TMEM71: variants seen among roughly 807,000 people sequenced by gnomAD.
TMEM71 encodes the protein transmembrane protein 71.
A neutral mutation model predicts 38.0 loss-of-function variants in TMEM71; 44 were observed. The observed-to-expected ratio is 1.16, with a 90% CI of 0.91 to 1.49. The LOEUF (loss-of-function observed/expected upper bound fraction) is 1.49, where lower values mean the gene tolerates loss of function less well. Ranked by LOEUF, TMEM71 falls within the 40% of genes most tolerant of loss-of-function variation. The pLI is 0.00. For synonymous variants in TMEM71, 133 were observed against 122.5 expected (o/e 1.09, Z -0.56); for missense variants, 367 against 348.6 (o/e 1.05, Z -0.42).
chr8:132,730,369 C>T (rs1411942306), intron 5 of TMEM71, among the ~76,000 whole-genome samples: 2 of 152,198 alleles, frequency 1.3e-5, no homozygotes, highest in Non-Finnish European at 2.9e-5. Context: ...TGTGGAAACA[C>T]ACTCTCAGCC....
rs183699304 is a variant in TMEM71 at position 132,751,853 on chromosome 8, G to A, written c.246C>T (p.Cys82=). 104 of 1,613,964 alleles carry A rather than the reference G, an allele frequency of 6.4e-5. No homozygotes were observed. Among genetic ancestry groups the A allele is most frequent in the Middle Eastern group, 3.4e-4 (2 of 5,888 alleles). ...YYIWTEDSFL[C]DKDGNITLNP... Reference sequence around the variant, plus strand: ...TCAGAGTTATGTTGCCATCTTTGTCGCACAGGAAGCTGTCTTCAGTCCAAA... The same window carrying A: ...TCAGAGTTATGTTGCCATCTTTGTCACACAGGAAGCTGTCTTCAGTCCAAA... The change falls in exon 4 of 10, where the codon TGC becomes TGT. Residue 82 remains cysteine (C), a synonymous_variant. Coordinates refer to ENST00000677595, the MANE Select transcript of TMEM71 (RefSeq NM_001382403.1).
the TMEM71 span, among the ~76,000 whole-genome samples, chr8:132,770,394 C>T: frequency 6.6e-6 from 1 of 152,202 alleles, no homozygotes; most frequent in Non-Finnish European, 1.5e-5. Flanking sequence ...CCAGTCTTCA[C>T]GCTTACCTGC....
intron 6 of TMEM71, among the ~76,000 whole-genome samples, chr8:132,726,381 T>A (rs1827144044): frequency 6.6e-6 from 1 of 152,192 alleles, no homozygotes; most frequent in South Asian, 2.1e-4. Flanking sequence ...TATTTATGAT[T>A]TTTTGAAAGC....
At chr8:132,769,965 C>A in the TMEM71 span, among the ~76,000 whole-genome samples, 15 of 152,198 alleles carry the variant, frequency 9.9e-5, no homozygotes, top group Non-Finnish European at 2.2e-4. Context: ...CTGTTCTCAA[C>A]GAAAAGAATG....
chr8:132,774,277 C>T, the TMEM71 span, among the ~76,000 whole-genome samples: 171 of 152,336 alleles, frequency 1.1e-3, 3 homozygotes, highest in East Asian at 0.03. Context: ...AGTTGAGATG[C>T]TGGGCAACCA....
downstream of TMEM71, among the ~76,000 whole-genome samples, chr8:132,708,936 AC>A (rs1160819090): frequency 6.6e-6 from 1 of 151,892 alleles, no homozygotes; most frequent in East Asian, 1.9e-4. Flanking sequence ...TTTTGGACTG[AC>A]CCCCAAAACT....
intron 3 of TMEM71, among the ~76,000 whole-genome samples, chr8:132,756,341 T>C (rs969389460): frequency 3.2e-4 from 47 of 148,558 alleles, no homozygotes; most frequent in African/African-American, 1.1e-3. Flanking sequence ...AATTCATCAG[T>C]ATTCAATAGT....
At chr8:132,738,782 C>T (rs1827880153) in intron 5 of TMEM71, among the ~76,000 whole-genome samples, 1 of 152,008 alleles carries the variant, frequency 6.6e-6, no homozygotes, top group Non-Finnish European at 1.5e-5. Context: ...TTTAAGTAAT[C>T]CTTTGATCAT....
At chr8:132,749,640 G>A (rs1462831922) in intron 4 of TMEM71, among the ~76,000 whole-genome samples, 1 of 152,206 alleles carries the variant, frequency 6.6e-6, no homozygotes, top group Admixed American at 6.5e-5. Flanking sequence ...ATGAAAGAAA[G>A]AGGCTGGGTC....
At chr8:132,724,893 C>A (rs1435465925) in intron 6 of TMEM71, among the ~76,000 whole-genome samples, 1 of 152,098 alleles carries the variant, frequency 6.6e-6, no homozygotes, top group African/African-American at 2.4e-5. Context: ...CTTCCAAAAC[C>A]AATAAAACTC....
chr8:132,733,295 A>G (rs1023511927), intron 5 of TMEM71, among the ~76,000 whole-genome samples: 3 of 152,246 alleles, frequency 2.0e-5, no homozygotes, highest in African/African-American at 7.2e-5. Context: ...TAAGTTTTAC[A>G]GAGAATTCGG....
At chr8:132,752,034 T>A in intron 3 of TMEM71, 37 bp from the exon 4 acceptor site, 1 of 1,548,006 alleles carries the variant, frequency 6.5e-7, no homozygotes, top group Non-Finnish European at 8.9e-7. Context: ...AAATCTCTAT[T>A]CAGTACATCC....
rs1372558941 is a variant in TMEM71, at chr8:132,710,647, C to T, written c.*320G>A. On this transcript the variant is annotated 3_prime_UTR_variant, in exon 10 of 10. Transcript: ENST00000677595. ...GAATTTCCTAATGAAAATTCAAGCT[C>T]GAGAACCACTGCCTTAAAGAATCAT... 12 of 498,416 alleles carry T rather than the reference C, an allele frequency of 2.4e-5. No homozygotes were observed. The highest frequency in any genetic ancestry group is 6.8e-5 in the East Asian group (2 of 29,300). 30.9% of individuals were successfully genotyped at this position (498,416 alleles called of 1,614,324 possible).
the TMEM71 span, chr8:132,775,406 AGGCGGCGGCGGCGGCGGC>A: frequency 4.7e-5 from 18 of 382,552 alleles, no homozygotes; most frequent in Non-Finnish European, 7.3e-5. Context: ...CCGGCGGCGG[AGGCGGCGGCGGCGGCGGC>A]GATGGCAGCG....
chr8:132,719,116 A>G (rs993953790), intron 7 of TMEM71, among the ~76,000 whole-genome samples: 2 of 152,220 alleles, frequency 1.3e-5, no homozygotes, highest in Non-Finnish European at 2.9e-5. Flanking sequence ...AACACCTGTA[A>G]TTGCTACCCA....
chr8:132,740,431 T>C (rs1485907040), intron 5 of TMEM71, among the ~76,000 whole-genome samples: 3 of 152,270 alleles, frequency 2.0e-5, no homozygotes, highest in Non-Finnish European at 4.4e-5. Context: ...ATTAACATGC[T>C]ACATAATTTA....
chr8:132,706,879 C>A (rs1472997610), downstream of TMEM71, among the ~76,000 whole-genome samples: 1 of 152,110 alleles, frequency 6.6e-6, no homozygotes, highest in Non-Finnish European at 1.5e-5. Flanking sequence ...GCTGACAACA[C>A]AAAATGACAT....
upstream of TMEM71, chr8:132,760,613 C>A (rs1829273355): frequency 6.6e-6 from 1 of 152,244 alleles, no homozygotes; most frequent in African/African-American, 2.4e-5. Flanking sequence ...AGTCTTACAA[C>A]TTCTCTTGTT....
At chr8:132,769,495 C>G in the TMEM71 span, among the ~76,000 whole-genome samples, 288 of 152,324 alleles carry the variant, frequency 1.9e-3, 2 homozygotes, top group African/African-American at 6.4e-3. Flanking sequence ...TGTGAACTGA[C>G]TGTGTGTGTC....
Sources: allele counts gnomAD v4.1 joint callset (sites outside exome capture counted in the v4.1 genomes callset), GRCh38; gene constraint gnomAD v4.1.1; transcripts MANE v1.5; gene names NCBI Gene and HGNC (gene_info 2026-07-23, HGNC 2026-07-21).